PHF20L1: variants seen among roughly 807,000 people sequenced by gnomAD.
PHF20L1 encodes PHD finger protein 20 like 1.
A neutral mutation model predicts 125.5 loss-of-function variants in PHF20L1; 44 were observed. That is an observed-to-expected ratio of 0.35 (90% CI 0.28 to 0.45). The LOEUF is 0.45. PHF20L1 is among the 20% of genes least tolerant of loss of function. The probability of loss-of-function intolerance (pLI) is 1.00; values close to 1 mark genes in which losing one functional copy is unlikely to be tolerated. For missense variants in PHF20L1, 1,012 were observed against 1,217.2 expected, an observed-to-expected ratio of 0.83 and a Z score of 2.51; for synonymous variants, 380 against 403.1, an observed-to-expected ratio of 0.94 and a Z score of 0.69.
At chr8:132,827,923 A>G (rs1836368005) in intron 14 of PHF20L1, among the ~76,000 whole-genome samples, 1 of 152,038 alleles carries the variant, frequency 6.6e-6, no homozygotes, top group Non-Finnish European at 1.5e-5. Flanking sequence ...GAGTTTGATA[A>G]TCACTGTCAT....
chr8:132,787,628 C>T (rs1831202336), intron 2 of PHF20L1, among the ~76,000 whole-genome samples: 1 of 152,016 alleles, frequency 6.6e-6, no homozygotes, highest in South Asian at 2.1e-4. Flanking sequence ...AAGAGTTTTG[C>T]TTTCGGTTTG....
intron 14 of PHF20L1, among the ~76,000 whole-genome samples, chr8:132,828,813 A>C (rs1463169620): frequency 6.6e-6 from 1 of 152,094 alleles, no homozygotes; most frequent in African/African-American, 2.4e-5. Flanking sequence ...AGGCATACAG[A>C]GATTAAAAAG....
intron 1 of PHF20L1, among the ~76,000 whole-genome samples, chr8:132,777,265 CT>C (rs1388353957): frequency 6.6e-6 from 1 of 152,214 alleles, no homozygotes; most frequent in Non-Finnish European, 1.5e-5. Context: ...GGTATCTTCA[CT>C]GGCAGAGGAG....
chr8:132,822,898 GGT>G (rs1835756202), intron 12 of PHF20L1, among the ~76,000 whole-genome samples: 1 of 145,788 alleles, frequency 6.9e-6, no homozygotes, highest in South Asian at 2.2e-4. Flanking sequence ...ACTGGTAAAT[GGT>G]GACATTAAAG....
chr8:132,799,093 A>G lies in PHF20L1; in HGVS notation c.430-2A>G. 1.2e-6 allele frequency: 2 copies of G among 1,608,276 alleles called. No individual in the cohort carries two copies. Among genetic ancestry groups the G allele is most frequent in the Non-Finnish European group, 1.7e-6 (2 of 1,176,188 alleles). ...GTTATAGGTCACTAGTTTCTGTTCC[A>G]GGTGAAATCCCAGCATCCACTAAGC... On this transcript the variant is annotated splice_acceptor_variant, in intron 5 of 20. Transcript: ENST00000395386. LOFTEE classifies it high-confidence loss of function.
At position 132,775,654 on chromosome 8, in the gene PHF20L1, C is replaced by T; in HGVS notation, c.-38+9C>T. On this transcript the variant is annotated intron_variant, in intron 1 of 20. Transcript: ENST00000395386. ...GAGAGGAGGCCGAGTCGGTAAGAGG[C>T]GGCGGCGGCTGAGCCGGCAGGCCGC... 1 of 331,788 alleles carries T rather than the reference C, an allele frequency of 3.0e-6. No homozygotes were observed. Among genetic ancestry groups the T allele is most frequent in the Non-Finnish European group, 5.5e-6 (1 of 183,348 alleles). The allele number at this position is 331,788 out of a possible 1,614,324, so 20.6% of individuals were successfully genotyped here. A position where few individuals can be genotyped will look rare whatever the true frequency, so the allele number is the denominator to read the frequency against.
chr8:132,781,533 A>G (rs2739043), intron 2 of PHF20L1, among the ~76,000 whole-genome samples: 94,333 of 151,960 alleles, frequency 0.62, 29,499 homozygotes, highest in Admixed American at 0.67. Context: ...GGTTCAAGTG[A>G]TTCCCCTGCC....
chr8:132,800,221 G>A lies in PHF20L1; in HGVS notation c.507+1049G>A, dbSNP rs117732808. On this transcript the variant is annotated intron_variant, in intron 6 of 20. Coordinates refer to ENST00000395386, the MANE Select transcript of PHF20L1 (RefSeq NM_016018.5). ...ATTAAATTTATTGGATGTTATGGAT[G>A]TTTGTTTTTAATAAGTAGTGATTCT... is the stretch of plus-strand genomic sequence containing the variant. Among the ~76,000 whole-genome samples, 335 of 151,678 alleles carry A rather than the reference G, an allele frequency of 2.2e-3. 4 individuals carry two copies. The East Asian group carries it at 0.034, about 16-fold the overall frequency.
intron 8 of PHF20L1, among the ~76,000 whole-genome samples, chr8:132,805,294 A>C (rs1004075399): frequency 6.6e-6 from 1 of 151,808 alleles, no homozygotes; most frequent in African/African-American, 2.4e-5. Context: ...ATTTATTTCC[A>C]TATGATTTCT....
At chr8:132,834,319 A>G (rs1837110807) in intron 15 of PHF20L1, among the ~76,000 whole-genome samples, 1 of 152,078 alleles carries the variant, frequency 6.6e-6, no homozygotes, top group South Asian at 2.1e-4. Flanking sequence ...TTTCAATGAT[A>G]TAATTTCAAA....
In PHF20L1 at chr8:132,794,422, A is replaced by G. The variant is rs1413485382; in HGVS notation, c.96A>G (p.Arg32=). ...LDYLQKWYPS[R]IEKIDYEEGK... ...TTTGATTTTTGAGGTATCCATCACGAATTGAAAAAATTGACTATGAGGAGG... is the reference window on the plus strand; with the variant it reads ...TTTGATTTTTGAGGTATCCATCACGGATTGAAAAAATTGACTATGAGGAGG... Residue 32 remains arginine (R), a synonymous_variant, in exon 3 of 21, where the codon CGA becomes CGG. Transcript: ENST00000395386. 6.2e-7 allele frequency: 1 copy of G among 1,604,636 alleles called. No individual in the cohort carries two copies. The highest frequency in any genetic ancestry group is 8.5e-7 in the Non-Finnish European group (1 of 1,173,384).
In PHF20L1 at chr8:132,824,738, T is replaced by A. The variant is rs79802974; in HGVS notation, c.1637-526T>A. On this transcript the variant is annotated intron_variant, in intron 13 of 20. Transcript: ENST00000395386. The stretch of plus-strand genomic sequence containing the variant: ...GAAAAATTAGTTTAATGAAATATAT[T>A]TTTTTTTCCTCGTGTTCTTAGCCTT... The A allele has an allele frequency of 6.9e-3, 1,162 of 169,378 alleles. 11 individuals are homozygous for A. The highest frequency in any genetic ancestry group is 0.026 in the African/African-American group (1,108 of 41,850). 10.5% of individuals were successfully genotyped at this position (169,378 alleles called of 1,614,324 possible).
chr8:132,844,425 C>G (rs543003163), intron 20 of PHF20L1, 107 bp downstream of exon 20: 1 of 790,802 alleles, frequency 1.3e-6, no homozygotes, highest in East Asian at 2.7e-5. Context: ...CAGATACTCT[C>G]CATACCGATG....
intron 20 of PHF20L1, 113 bp downstream of exon 20, chr8:132,844,431 C>T (rs976070765): frequency 5.9e-5 from 44 of 745,864 alleles, no homozygotes; most frequent in Non-Finnish European, 8.2e-5. Flanking sequence ...CTCTCCATAC[C>T]GATGGGGCTT....
rs756511515 is a variant in PHF20L1 at position 132,814,652 on chromosome 8, C to A, written c.946C>A (p.Pro316Thr). 1 of 1,599,736 alleles carries A rather than the reference C, an allele frequency of 6.3e-7. No homozygotes were observed. The highest frequency in any genetic ancestry group is 8.5e-7 in the Non-Finnish European group (1 of 1,172,944). The change falls in exon 10 of 21, where the codon CCT (proline) becomes ACT (threonine). Residue 316 changes from proline to threonine, a missense_variant. Pro to Thr is a conservative substitution (Grantham distance 38, BLOSUM62 -1). This residue lies in a region of PHF20L1 where 119 missense variants were observed against 160.2 expected (regional missense o/e 0.74). Transcript: ENST00000395386. ...ATTTATTCAGGCGATTTCACCTAAACCTCAAAGTCAGAAAAAAAATGAAGC... is the reference window on the plus strand; with the variant it reads ...ATTTATTCAGGCGATTTCACCTAAAACTCAAAGTCAGAAAAAAAATGAAGC... Reference protein sequence around the residue: ...PMLEQAISPKPQSQKKNEADI... With the variant: ...PMLEQAISPKTQSQKKNEADI...
chr8:132,788,661 C>A (rs1308988340), intron 2 of PHF20L1: 1 of 151,828 alleles, frequency 6.6e-6, no homozygotes, highest in East Asian at 1.9e-4. Flanking sequence ...GAAGATAAAT[C>A]AGAATGAATT....
At chr8:132,803,443 C>A in intron 6 of PHF20L1, 1 of 172,492 alleles carries the variant, frequency 5.8e-6, no homozygotes, top group Non-Finnish European at 1.2e-5. Flanking sequence ...TTTTATAGTC[C>A]TTTGTATTAT....
intron 2 of PHF20L1, among the ~76,000 whole-genome samples, chr8:132,782,409 AATC>A (rs1225021496): frequency 6.6e-6 from 1 of 152,196 alleles, no homozygotes; most frequent in African/African-American, 2.4e-5. Context: ...ATGGGTACAT[AATC>A]ATAAAGCATT....
chr8:132,844,483 T>C (rs184760275), intron 20 of PHF20L1, among the ~76,000 whole-genome samples, 165 bp downstream of exon 20: 9 of 152,224 alleles, frequency 5.9e-5, no homozygotes, highest in Admixed American at 3.3e-4. Context: ...TTGGGATCTT[T>C]TACGCTTAAA....
Sources: gnomAD v4.1 joint callset for allele counts (sites outside exome capture counted in the v4.1 genomes callset) on GRCh38, gnomAD v4.1.1 for gene constraint, gnomAD v4.1.1 regional missense constraint, MANE v1.5 for transcripts, NCBI Gene and HGNC (gene_info 2026-07-23, HGNC 2026-07-21) for gene names.